ARIH2: variants seen among roughly 807,000 people sequenced by gnomAD.
ARIH2 encodes the protein E3 ubiquitin-protein ligase ARIH2.
Under a neutral mutation model 79.8 loss-of-function variants are expected in ARIH2, and 12 were observed. That is an observed-to-expected ratio of 0.15 (90% CI 0.10 to 0.24). ARIH2 has a LOEUF of 0.24. Ranked by LOEUF, ARIH2 falls within the 10% of genes least tolerant of loss-of-function variation. The probability of loss-of-function intolerance (pLI) is 1.00; values close to 1 mark genes in which losing one functional copy is unlikely to be tolerated. For missense variants in ARIH2, 301 were observed against 618.3 expected (o/e 0.49, Z 5.44); for synonymous variants, 224 against 213.9 (o/e 1.05, Z -0.41).
chr3:48,983,368 CAACA>C lies in ARIH2; in HGVS notation c.*99_*102del. On this transcript the variant is annotated 3_prime_UTR_variant, in exon 16 of 16. Transcript: ENST00000356401. ...AGGCTCTGCCTTTCATGACCCCAGG[CAACA>C]GCCAGGGCCCCACTCCTGAGAGACA... is the stretch of plus-strand genomic sequence containing the variant. 2 of 1,205,222 alleles carry C rather than the reference CAACA, an allele frequency of 1.7e-6. No homozygotes were observed. The highest frequency in any genetic ancestry group is 2.5e-6 in the Non-Finnish European group (2 of 816,318). The allele number at this position is 1,205,222 out of a possible 1,614,324, so 74.7% of individuals were successfully genotyped here. A position where few individuals can be genotyped will look rare whatever the true frequency, so the allele number is the denominator to read the frequency against.
chr3:48,951,072 T>C (rs951531562), intron 3 of ARIH2, among the ~76,000 whole-genome samples: 1 of 151,850 alleles, frequency 6.6e-6, no homozygotes, highest in African/African-American at 2.4e-5. Flanking sequence ...AAGTGATCCT[T>C]CTACCTCAGC....
At chr3:48,936,953 G>A (rs1420710559) in intron 3 of ARIH2, among the ~76,000 whole-genome samples, 2 of 151,782 alleles carry the variant, frequency 1.3e-5, no homozygotes, top group Non-Finnish European at 1.5e-5. Flanking sequence ...GCGTGAACCC[G>A]GGAGGTGGAG....
At chr3:48,942,707 A>G (rs1041496058) in intron 3 of ARIH2, among the ~76,000 whole-genome samples, 2 of 143,456 alleles carry the variant, frequency 1.4e-5, no homozygotes, top group African/African-American at 5.3e-5. Context: ...GCTGGAGTGC[A>G]ATGGCACGAT....
chr3:48,967,197 C>G lies in ARIH2; in HGVS notation c.460C>G (p.Leu154Val). 6.2e-7 allele frequency: 1 copy of G among 1,614,254 alleles called. No homozygotes were observed. Among genetic ancestry groups the G allele is most frequent in the Non-Finnish European group, 8.5e-7 (1 of 1,180,048 alleles). Residue 154 changes from leucine (L) to valine (V), a missense_variant, in exon 6 of 16, where the codon CTG becomes GTG. By Grantham distance (32) the Leu-to-Val change is conservative. This residue lies in a region of ARIH2 where 223 missense variants were observed against 349.4 expected (regional missense o/e 0.64). Transcript: ENST00000356401. ...QFVRKENLLS[L>V]ACQHQFCRSC... The stretch of plus-strand genomic sequence containing the variant: ...TGTGCGAAAGGAAAACCTACTCTCT[C>G]TGGCCTGTCAGCACCAGTTTTGCCG...
At position 48,974,885 on chromosome 3, in the gene ARIH2, C is replaced by T. The variant is rs2092419940; in HGVS notation, c.939+18C>T. 1 of 1,614,134 alleles carries T rather than the reference C, an allele frequency of 6.2e-7. No individual in the cohort carries two copies. Among genetic ancestry groups the T allele is most frequent in the Non-Finnish European group, 8.5e-7 (1 of 1,180,014 alleles). The stretch of plus-strand genomic sequence containing the variant: ...ATCACATGGTGAGCAGAAGCCTCTG[C>T]AGTTTGCATGTGTGACATGGAAGCT... On this transcript the variant is annotated intron_variant, in intron 10 of 15. Transcript: ENST00000356401.
chr3:48,958,456 A>T (rs1403728108), intron 3 of ARIH2, among the ~76,000 whole-genome samples: 9 of 152,192 alleles, frequency 5.9e-5, no homozygotes. Context: ...TCACGCCTGT[A>T]ATCCCAGCAC....
At chr3:48,941,364 G>A (rs2088188273) in intron 3 of ARIH2, among the ~76,000 whole-genome samples, 1 of 152,252 alleles carries the variant, frequency 6.6e-6, no homozygotes, top group South Asian at 2.1e-4. Context: ...GGACTTGAAA[G>A]TGGGAGATAG....
At chr3:48,955,360 G>GT (rs2090459731) in intron 3 of ARIH2, among the ~76,000 whole-genome samples, 1 of 148,398 alleles carries the variant, frequency 6.7e-6, no homozygotes, top group Non-Finnish European at 1.5e-5. Flanking sequence ...TACATTGGTT[G>GT]TTTACTACCC....
chr3:48,983,002 G>T, intron 15 of ARIH2, 23 bp downstream of exon 15: 1 of 1,606,034 alleles, frequency 6.2e-7, no homozygotes, highest in South Asian at 1.1e-5. Context: ...TGTCCTCTTG[G>T]ATTCTATATT....
At chr3:48,978,875 C>T (rs1218642621) in intron 11 of ARIH2, among the ~76,000 whole-genome samples, 2 of 151,554 alleles carry the variant, frequency 1.3e-5, no homozygotes, top group African/African-American at 4.9e-5. Flanking sequence ...GCAAGAGAAT[C>T]GCTTGAACCT....
intron 7 of ARIH2, 152 bp from the exon 8 acceptor site, chr3:48,970,443 C>G: frequency 1.7e-6 from 1 of 585,222 alleles, no homozygotes. Context: ...ATCTGGCTTA[C>G]GTTTGGTCTT....
In ARIH2 at chr3:48,985,435, C is replaced by G. The variant is rs548382721; in HGVS notation, c.*2165C>G. The G allele has an allele frequency of 6.6e-6, 1 of 152,304 alleles. No homozygotes were observed. Among genetic ancestry groups the G allele is most frequent in the African/African-American group, 2.4e-5 (1 of 41,572 alleles). The allele number at this position is 152,304 out of a possible 1,614,324, so 9.4% of individuals were successfully genotyped here. A position where few individuals can be genotyped will look rare whatever the true frequency, so the allele number is the denominator to read the frequency against. Reference sequence around the variant, plus strand: ...AGGACACAGTATTTTCATGAATTTACCATATATCTTTGTTTTTCTTCAACG... The same window carrying G: ...AGGACACAGTATTTTCATGAATTTAGCATATATCTTTGTTTTTCTTCAACG... On this transcript the variant is annotated 3_prime_UTR_variant, in exon 16 of 16. Coordinates refer to ENST00000356401, the MANE Select transcript of ARIH2 (RefSeq NM_006321.4).
At chr3:48,963,144 A>G (rs2091448821) in intron 4 of ARIH2, among the ~76,000 whole-genome samples, 1 of 152,196 alleles carries the variant, frequency 6.6e-6, no homozygotes, top group Non-Finnish European at 1.5e-5. Context: ...CAGCACAGTC[A>G]GGAAAGAGCA....
intron 3 of ARIH2, 36 bp downstream of exon 3, chr3:48,927,849 C>G: frequency 2.5e-6 from 4 of 1,602,818 alleles, no homozygotes; most frequent in Non-Finnish European, 3.4e-6. Flanking sequence ...TAATCCCCCC[C>G]AGTTAAATCT....
intron 3 of ARIH2, among the ~76,000 whole-genome samples, chr3:48,939,891 C>T (rs1232778809): frequency 6.6e-6 from 1 of 151,760 alleles, no homozygotes; most frequent in African/African-American, 2.4e-5. Context: ...ATGCAACCAT[C>T]ATCTTCATCT....
At chr3:48,965,984 C>T (rs2091760197) in intron 5 of ARIH2, among the ~76,000 whole-genome samples, 1 of 152,016 alleles carries the variant, frequency 6.6e-6, no homozygotes, top group Admixed American at 6.6e-5. Context: ...TCTAAGCCAC[C>T]TCTGACAAAG....
intron 2 of ARIH2, among the ~76,000 whole-genome samples, chr3:48,923,400 A>G (rs1170674307): frequency 1.4e-5 from 2 of 144,402 alleles, no homozygotes; most frequent in Non-Finnish European, 3.1e-5. Flanking sequence ...ACTCTGTCTC[A>G]AAAAAAAAAA....
chr3:48,970,917 A>G (rs1257467907), intron 8 of ARIH2: 3 of 456,392 alleles, frequency 6.6e-6, no homozygotes, highest in Admixed American at 7.4e-5. Flanking sequence ...GAAGTGACAC[A>G]GGTTCTTGGA....
At chr3:48,939,803 CTG>C (rs1283347645) in intron 3 of ARIH2, among the ~76,000 whole-genome samples, 1 of 135,436 alleles carries the variant, frequency 7.4e-6, no homozygotes, top group African/African-American at 2.7e-5. Flanking sequence ...AAAAAAAAAA[CTG>C]AAGTAATAAT....
Sources: gnomAD v4.1 joint callset for allele counts (sites outside exome capture counted in the v4.1 genomes callset) on GRCh38, gnomAD v4.1.1 for gene constraint, gnomAD v4.1.1 regional missense constraint, MANE v1.5 for transcripts, NCBI Gene and HGNC (gene_info 2026-07-23, HGNC 2026-07-21) for gene names.